CTNNA3: variants seen among roughly 807,000 people sequenced by gnomAD.
CTNNA3 encodes the protein catenin alpha-3.
A neutral mutation model predicts 95.7 loss-of-function variants in CTNNA3; 76 were observed. The observed-to-expected ratio is 0.79, with a 90% CI of 0.66 to 0.96. The LOEUF (loss-of-function observed/expected upper bound fraction) is 0.96, where lower values mean the gene tolerates loss of function less well. CTNNA3 is among the 40% of genes least tolerant of loss of function. The probability of loss-of-function intolerance (pLI) is 0.00; values close to 1 mark genes in which losing one functional copy is unlikely to be tolerated. For missense variants in CTNNA3, 1,191 were observed against 1,089.8 expected (o/e 1.09, Z -1.31); for synonymous variants, 431 against 374.4 (o/e 1.15, Z -1.74).
chr10:66,670,141 C>T (rs1846606415), intron 9 of CTNNA3, among the ~76,000 whole-genome samples: 1 of 152,006 alleles, frequency 6.6e-6, no homozygotes, highest in African/African-American at 2.4e-5. Flanking sequence ...AGTAATATGT[C>T]CACTATGGGG....
At chr10:65,994,040 G>T (rs146700995) in intron 15 of CTNNA3, among the ~76,000 whole-genome samples, 150 of 152,252 alleles carry the variant, frequency 9.9e-4, no homozygotes, top group Non-Finnish European at 1.0e-3. Flanking sequence ...TATCTTTTAA[G>T]AGCAAAATTT....
intron 10 of CTNNA3, among the ~76,000 whole-genome samples, chr10:66,555,874 T>C (rs1392658190): frequency 6.6e-6 from 1 of 151,918 alleles, no homozygotes; most frequent in Non-Finnish European, 1.5e-5. Context: ...CAAGTGGAAC[T>C]ATATCAAACT....
intron 13 of CTNNA3, among the ~76,000 whole-genome samples, chr10:66,138,451 G>T (rs1392330837): frequency 6.6e-6 from 1 of 152,072 alleles, no homozygotes; most frequent in African/African-American, 2.4e-5. Flanking sequence ...CTTGTATTTT[G>T]TTGAGGCAAA....
chr10:67,489,852 A>C (rs1848587043), intron 5 of CTNNA3, among the ~76,000 whole-genome samples: 2 of 150,392 alleles, frequency 1.3e-5, no homozygotes, highest in African/African-American at 2.5e-5. Context: ...CATTCATTTA[A>C]ATTTTGGACA....
intron 7 of CTNNA3, among the ~76,000 whole-genome samples, chr10:67,162,194 A>G (rs1160616218): frequency 6.6e-6 from 1 of 152,102 alleles, no homozygotes; most frequent in African/African-American, 2.4e-5. Flanking sequence ...TCAACATTTT[A>G]TAGAACACCT....
intron 10 of CTNNA3, among the ~76,000 whole-genome samples, chr10:66,577,958 G>T (rs1019896368): frequency 6.6e-6 from 1 of 151,878 alleles, no homozygotes; most frequent in African/African-American, 2.4e-5. Flanking sequence ...CATGGAATAG[G>T]AAGAATATTT....
rs555194004 is a variant in CTNNA3 at position 67,427,206 on chromosome 10, G to C, written c.579+94636C>G. On this transcript the variant is annotated intron_variant, in intron 5 of 17. Coordinates refer to ENST00000433211, the MANE Select transcript of CTNNA3 (RefSeq NM_013266.4). ...CTATAAAAGGCTAAATAAAGGAGGG[G>C]TGACTGGGCACACAGTATGGCTAGT... is the stretch of plus-strand genomic sequence containing the variant. 3.4e-4 allele frequency among the ~76,000 whole-genome samples: 51 copies of C among 152,026 alleles called. 1 individual carries two copies. The highest frequency in any genetic ancestry group is 1.1e-3 in the Admixed American group (17 of 15,260).
At chr10:66,703,113 CT>C (rs1434110709) in intron 9 of CTNNA3, among the ~76,000 whole-genome samples, 1 of 152,130 alleles carries the variant, frequency 6.6e-6, no homozygotes, top group Non-Finnish European at 1.5e-5. Context: ...CAGACACCAT[CT>C]TTTTTTCTCA....
intron 15 of CTNNA3, among the ~76,000 whole-genome samples, chr10:66,026,218 T>C (rs930576350): frequency 8.5e-5 from 13 of 152,220 alleles, no homozygotes; most frequent in Non-Finnish European, 1.6e-4. Context: ...CTGCTTCGTA[T>C]AGGAGAAAAT....
At chr10:66,830,725 T>C (rs1842687132) in intron 7 of CTNNA3, among the ~76,000 whole-genome samples, 1 of 152,076 alleles carries the variant, frequency 6.6e-6, no homozygotes, top group Non-Finnish European at 1.5e-5. Context: ...TTCTCCTGCC[T>C]CAGCCTCCCG....
chr10:66,228,406 A>AT (rs370052434), intron 13 of CTNNA3, among the ~76,000 whole-genome samples: 3 of 151,888 alleles, frequency 2.0e-5, no homozygotes, highest in Non-Finnish European at 4.4e-5. Flanking sequence ...GTTCTTCTTA[A>AT]TTTTTTATTA....
At chr10:67,097,511 A>C (rs1858076487) in intron 7 of CTNNA3, 1 of 1,321,796 alleles carries the variant, frequency 7.6e-7, no homozygotes, top group Non-Finnish European at 1.1e-6. Context: ...TCAGGTCAGC[A>C]CTTCAGTCTC....
intron 2 of CTNNA3, among the ~76,000 whole-genome samples, chr10:67,613,468 T>C (rs1843532643): frequency 6.6e-6 from 1 of 152,066 alleles, no homozygotes; most frequent in African/African-American, 2.4e-5. Context: ...AAAGAATGGG[T>C]TGCTACAGCA....
chr10:66,473,995 T>A (rs1839231231), intron 11 of CTNNA3, among the ~76,000 whole-genome samples: 1 of 152,176 alleles, frequency 6.6e-6, no homozygotes, highest in East Asian at 1.9e-4. Flanking sequence ...TGTGTCTTTA[T>A]AGCAGCATGA....
intron 7 of CTNNA3, among the ~76,000 whole-genome samples, chr10:67,100,301 A>T (rs1390169932): frequency 6.6e-6 from 1 of 151,726 alleles, no homozygotes; most frequent in African/African-American, 2.4e-5. Context: ...AGCTACACCA[A>T]ATACGCCAGG....
chr10:67,717,992 C>T (rs111823080), intron 1 of CTNNA3, among the ~76,000 whole-genome samples: 7 of 152,064 alleles, frequency 4.6e-5, no homozygotes, highest in Non-Finnish European at 1.0e-4. Flanking sequence ...CTTTTATTTC[C>T]TTGAGCAATG....
intron 15 of CTNNA3, among the ~76,000 whole-genome samples, chr10:65,992,046 A>C (rs565841976): frequency 5.2e-4 from 79 of 152,158 alleles, no homozygotes; most frequent in South Asian, 4.2e-3. Flanking sequence ...ATGATGTATC[A>C]CGTTTATTGA....
chr10:67,663,396 A>G lies in CTNNA3; in HGVS notation c.-5-15878T>C, dbSNP rs148954857. On this transcript the variant is annotated intron_variant, in intron 1 of 17. Transcript: ENST00000433211. ...TTATTTTGGACCAAAAAAAAAAGCA[A>G]TTGAATTGTTTTGTAGCTGGAGGCA... is the stretch of plus-strand genomic sequence containing the variant. Among the ~76,000 whole-genome samples, 546 of 151,936 alleles carry G rather than the reference A, an allele frequency of 3.6e-3. 5 individuals carry two copies. Among genetic ancestry groups the G allele is most frequent in the African/African-American group, 0.012 (512 of 41,444 alleles).
intron 7 of CTNNA3, among the ~76,000 whole-genome samples, chr10:66,854,743 A>ATTTT (rs34752190): frequency 8.1e-5 from 12 of 148,014 alleles, no homozygotes; most frequent in African/African-American, 3.0e-4. Flanking sequence ...AGAAAATGTC[A>ATTTT]TTTTTTTTTT....
Sources: allele counts gnomAD v4.1 joint callset (sites outside exome capture counted in the v4.1 genomes callset), GRCh38; gene constraint gnomAD v4.1.1; transcripts MANE v1.5; gene names NCBI Gene and HGNC (gene_info 2026-07-23, HGNC 2026-07-21).